The following FOXP1 variants were observed in gnomAD, a reference collection of about 807,000 sequenced individuals.
FOXP1 encodes the protein forkhead box P1.
FOXP1 carries 15 observed loss-of-function variants against 98.2 expected under a neutral mutation model. That is an observed-to-expected ratio of 0.15 (90% CI 0.10 to 0.24). The LOEUF (loss-of-function observed/expected upper bound fraction) is 0.24, where lower values mean the gene tolerates loss of function less well. Among genes scored for constraint, FOXP1 ranks in the 10% least tolerant of loss-of-function variants. The probability of loss-of-function intolerance (pLI) is 1.00; values close to 1 mark genes in which losing one functional copy is unlikely to be tolerated. For synonymous variants in FOXP1, 371 were observed against 314.5 expected, an observed-to-expected ratio of 1.18 and a Z score of -1.90; for missense variants, 633 against 848.5, an observed-to-expected ratio of 0.75 and a Z score of 3.15.
chr3:71,230,555 C>CA (rs1274787192), intron 5 of FOXP1, among the ~76,000 whole-genome samples: 1 of 151,968 alleles, frequency 6.6e-6, no homozygotes, highest in Admixed American at 6.5e-5. Flanking sequence ...AACTACCATC[C>CA]AAAAAAGAAT....
intron 6 of FOXP1, among the ~76,000 whole-genome samples, chr3:71,139,913 C>G (rs1209351200): frequency 6.6e-6 from 1 of 151,950 alleles, no homozygotes; most frequent in Admixed American, 6.6e-5. Context: ...TAATAAAACC[C>G]AGGGGCACTA....
At chr3:71,009,890 G>GGGC (rs1278786184) in intron 12 of FOXP1, among the ~76,000 whole-genome samples, 1 of 151,306 alleles carries the variant, frequency 6.6e-6, no homozygotes, top group East Asian at 1.9e-4. Flanking sequence ...CTAAGACTAT[G>GGGC]GGCACATGCC....
In FOXP1 at chr3:71,285,120, A is replaced by G. The variant is rs545659197; in HGVS notation, c.-12+14700T>C. On this transcript the variant is annotated intron_variant, in intron 5 of 20. Transcript: ENST00000649528. ...ATCCCACAGAAGGGAAATAAAGAACATTAACCCCACTCCAAAGCCAGGTAG... is the reference window on the plus strand; with the variant it reads ...ATCCCACAGAAGGGAAATAAAGAACGTTAACCCCACTCCAAAGCCAGGTAG... Among the ~76,000 whole-genome samples, 3 of 152,354 alleles carry G rather than the reference A, an allele frequency of 2.0e-5. No individual in the cohort carries two copies. In the East Asian group the frequency reaches 5.8e-4, roughly 29 times the overall value.
At chr3:71,013,639 G>T (rs1275503585) in intron 12 of FOXP1, among the ~76,000 whole-genome samples, 1 of 152,024 alleles carries the variant, frequency 6.6e-6, no homozygotes, top group Non-Finnish European at 1.5e-5. Context: ...CACAGAATTG[G>T]AAAGAACTAC....
chr3:71,469,371 T>C (rs2106652275), intron 3 of FOXP1, among the ~76,000 whole-genome samples: 1 of 152,284 alleles, frequency 6.6e-6, no homozygotes, highest in South Asian at 2.1e-4. Context: ...ACAAAATATG[T>C]CAGCATTATT....
chr3:71,422,870 GCA>G (rs376261519), intron 3 of FOXP1, among the ~76,000 whole-genome samples: 8 of 150,882 alleles, frequency 5.3e-5, no homozygotes, highest in African/African-American at 1.5e-4. Context: ...ACACAAGCGC[GCA>G]CACACACACA....
intron 3 of FOXP1, among the ~76,000 whole-genome samples, chr3:71,467,376 A>G (rs1395869621): frequency 6.6e-6 from 1 of 152,212 alleles, no homozygotes; most frequent in East Asian, 1.9e-4. Flanking sequence ...AGATGGATGA[A>G]AAGACAAGTT....
intron 5 of FOXP1, among the ~76,000 whole-genome samples, chr3:71,277,205 G>T (rs938337853): frequency 1.3e-5 from 2 of 150,458 alleles, no homozygotes; most frequent in African/African-American, 4.9e-5. Context: ...TGATCTGCCC[G>T]ACTCAGCCTT....
chr3:71,164,353 C>T (rs949443020), intron 6 of FOXP1, among the ~76,000 whole-genome samples: 8 of 152,118 alleles, frequency 5.3e-5, no homozygotes, highest in Non-Finnish European at 1.2e-4. Flanking sequence ...GCGCCCGCCA[C>T]CACGCCCGGA....
At chr3:71,166,819 G>T (rs1576158099) in intron 6 of FOXP1, among the ~76,000 whole-genome samples, 1 of 151,946 alleles carries the variant, frequency 6.6e-6, no homozygotes, top group African/African-American at 2.4e-5. Context: ...CACACACAAA[G>T]AATTTTATTT....
intron 5 of FOXP1, among the ~76,000 whole-genome samples, chr3:71,263,862 AG>A (rs1332717721): frequency 6.6e-6 from 1 of 151,388 alleles, no homozygotes; most frequent in East Asian, 1.9e-4. Context: ...CTCTTGACTC[AG>A]CCTCCTGAAT....
chr3:71,379,089 C>T (rs931490529), intron 3 of FOXP1, among the ~76,000 whole-genome samples: 1 of 152,108 alleles, frequency 6.6e-6, no homozygotes, highest in Non-Finnish European at 1.5e-5. Context: ...CCTCTGCCCT[C>T]ATTACTGATC....
chr3:71,557,873 G>A (rs1201339004), intron 2 of FOXP1, among the ~76,000 whole-genome samples: 1 of 152,190 alleles, frequency 6.6e-6, no homozygotes, highest in Admixed American at 6.5e-5. Flanking sequence ...CTGGAGTACA[G>A]TGGTGTGGTC....
chr3:71,144,275 T>C (rs997067512), intron 6 of FOXP1, among the ~76,000 whole-genome samples: 1 of 152,172 alleles, frequency 6.6e-6, no homozygotes. Flanking sequence ...GTGTATGTAC[T>C]GAACTCTCTG....
intron 5 of FOXP1, among the ~76,000 whole-genome samples, chr3:71,215,035 G>C (rs1218658234): frequency 6.6e-6 from 1 of 152,188 alleles, no homozygotes; most frequent in Non-Finnish European, 1.5e-5. Context: ...AAATTCCTGA[G>C]CCCATCTCAG....
At chr3:71,089,113 C>T (rs539551490) in intron 7 of FOXP1, among the ~76,000 whole-genome samples, 121 of 152,238 alleles carry the variant, frequency 7.9e-4, no homozygotes, top group South Asian at 2.1e-3. Flanking sequence ...CGAAACAAGC[C>T]CCAAAGATTC....
chr3:71,230,905 C>T (rs1480944591), intron 5 of FOXP1, among the ~76,000 whole-genome samples: 1 of 152,166 alleles, frequency 6.6e-6, no homozygotes, highest in Non-Finnish European at 1.5e-5. Flanking sequence ...ATTTAAATGG[C>T]TTTCACACAT....
intron 3 of FOXP1, among the ~76,000 whole-genome samples, chr3:71,480,860 G>T (rs915630533): frequency 1.3e-5 from 2 of 152,032 alleles, no homozygotes; most frequent in Non-Finnish European, 2.9e-5. Context: ...CACATATATC[G>T]GTCTTTCCCA....
intron 6 of FOXP1, among the ~76,000 whole-genome samples, chr3:71,137,296 T>C (rs9880849): frequency 0.87 from 131,640 of 152,100 alleles, 59,794 homozygotes; most frequent in South Asian, 0.99. Flanking sequence ...TATCCCTTTA[T>C]ATTTCAGCAC....
Sources: gnomAD v4.1 joint callset for allele counts (sites outside exome capture counted in the v4.1 genomes callset) on GRCh38, gnomAD v4.1.1 for gene constraint, MANE v1.5 for transcripts, NCBI Gene and HGNC (gene_info 2026-07-23, HGNC 2026-07-21) for gene names.